ADAMTSL3: variants seen among roughly 807,000 people sequenced by gnomAD.
The protein encoded by ADAMTSL3 is ADAMTS like 3, also known as ADAMTS-like protein 3.
A neutral mutation model predicts 201.7 loss-of-function variants in ADAMTSL3; 128 were observed. That is an observed-to-expected ratio of 0.63 (90% CI 0.55 to 0.73). The LOEUF is 0.73. Ranked by LOEUF, ADAMTSL3 falls within the 30% of genes least tolerant of loss-of-function variation. The pLI is 0.00. For synonymous variants in ADAMTSL3, 738 were observed against 748.4 expected (o/e 0.99, Z 0.23); for missense variants, 1,990 against 2,119.6 (o/e 0.94, Z 1.20).
intron 20 of ADAMTSL3, among the ~76,000 whole-genome samples, chr15:83,973,895 C>T (rs1014038986): frequency 6.6e-6 from 1 of 152,142 alleles, no homozygotes; most frequent in African/African-American, 2.4e-5. Context: ...GTGGCCTAAT[C>T]GGTGCCTTGG....
intron 4 of ADAMTSL3, among the ~76,000 whole-genome samples, chr15:83,789,503 T>G (rs1158020537): frequency 6.6e-6 from 1 of 152,188 alleles, no homozygotes; most frequent in Non-Finnish European, 1.5e-5. Context: ...CTTGTTTGTT[T>G]ATTCAAGTTT....
At chr15:83,969,954 T>C (rs2067162195) in intron 19 of ADAMTSL3, among the ~76,000 whole-genome samples, 1 of 152,194 alleles carries the variant, frequency 6.6e-6, no homozygotes, top group Non-Finnish European at 1.5e-5. Flanking sequence ...TCGGAAAGTG[T>C]TGGATATGTC....
intron 19 of ADAMTSL3, among the ~76,000 whole-genome samples, chr15:83,946,396 T>C (rs1307849797): frequency 6.6e-6 from 1 of 152,088 alleles, no homozygotes; most frequent in African/African-American, 2.4e-5. Context: ...AGCTTTCCTC[T>C]TCTGTGAAGT....
chr15:83,736,623 T>TA (rs2141621407), intron 3 of ADAMTSL3, among the ~76,000 whole-genome samples: 1 of 152,226 alleles, frequency 6.6e-6, no homozygotes, highest in African/African-American at 2.4e-5. Context: ...AATCAGCAAT[T>TA]AAAAAGGAGG....
intron 2 of ADAMTSL3, among the ~76,000 whole-genome samples, chr15:83,704,017 A>AC (rs2061812373): frequency 6.6e-6 from 1 of 151,410 alleles, no homozygotes; most frequent in Non-Finnish European, 1.5e-5. Context: ...AAAAAAAAAA[A>AC]ACACAAAAGG....
At chr15:83,760,221 C>G (rs1288237141) in intron 3 of ADAMTSL3, among the ~76,000 whole-genome samples, 2 of 152,074 alleles carry the variant, frequency 1.3e-5, no homozygotes, top group Non-Finnish European at 2.9e-5. Context: ...CTGCTTTACT[C>G]ACGTTTTGGT....
chr15:83,674,762 TATAC>T (rs1567064157), intron 2 of ADAMTSL3, among the ~76,000 whole-genome samples: 56 of 123,340 alleles, frequency 4.5e-4, no homozygotes, highest in Non-Finnish European at 6.5e-4. Context: ...TACACACATA[TATAC>T]ATATATATAT....
At chr15:83,910,196 G>A (rs2401179) in intron 15 of ADAMTSL3, among the ~76,000 whole-genome samples, 95,351 of 151,916 alleles carry the variant, frequency 0.63, 31,016 homozygotes, top group African/African-American at 0.79. Flanking sequence ...ATCTCATCTC[G>A]AAACTCTCAC....
At chr15:84,018,235 T>C (rs1345770343) in intron 25 of ADAMTSL3, among the ~76,000 whole-genome samples, 1 of 152,176 alleles carries the variant, frequency 6.6e-6, no homozygotes, top group Admixed American at 6.5e-5. Flanking sequence ...CATGCCCAAA[T>C]ATACAATCAC....
At chr15:83,830,843 A>G (rs937067202) in intron 6 of ADAMTSL3, among the ~76,000 whole-genome samples, 4 of 152,176 alleles carry the variant, frequency 2.6e-5, no homozygotes, top group Non-Finnish European at 5.9e-5. Context: ...GCAGGAGGCC[A>G]GACTGGGAGC....
At chr15:83,766,325 T>C (rs1018548375) in intron 3 of ADAMTSL3, among the ~76,000 whole-genome samples, 1 of 152,216 alleles carries the variant, frequency 6.6e-6, no homozygotes, top group African/African-American at 2.4e-5. Flanking sequence ...AGCCTTGAAC[T>C]TAGCAAGCTC....
At chr15:83,785,285 T>A (rs1238355485) in intron 4 of ADAMTSL3, among the ~76,000 whole-genome samples, 2 of 152,228 alleles carry the variant, frequency 1.3e-5, no homozygotes, top group Non-Finnish European at 2.9e-5. Context: ...CTTTTTAATT[T>A]CAGGAAAAAG....
rs146761916 is a variant in ADAMTSL3, at chr15:83,868,719, G to A, written c.803-2083G>A. Reference sequence around the variant, plus strand: ...AAATTAAAAATATTTTACAATAAGCGTACCATTTAGTGGAGAAGCAGAGTG... The same window carrying A: ...AAATTAAAAATATTTTACAATAAGCATACCATTTAGTGGAGAAGCAGAGTG... On this transcript the variant is annotated intron_variant, in intron 8 of 29. Coordinates refer to ENST00000286744, the MANE Select transcript of ADAMTSL3 (RefSeq NM_207517.3). 3.8e-4 allele frequency among the ~76,000 whole-genome samples: 58 copies of A among 152,264 alleles called. No individual in the cohort carries two copies. In the East Asian group the frequency reaches 9.8e-3, roughly 26 times the overall value.
chr15:83,798,004 G>T (rs1035970847), intron 4 of ADAMTSL3, among the ~76,000 whole-genome samples: 29 of 152,140 alleles, frequency 1.9e-4, no homozygotes, highest in Non-Finnish European at 3.7e-4. Flanking sequence ...ATAAATTTTG[G>T]TATATTTATA....
chr15:83,963,522 T>C lies in ADAMTSL3; in HGVS notation c.2491-6962T>C, dbSNP rs561816126. ...GCAGCCACAGTCAGGGTCTTATAGATAAAACTCCCATCTCCCTGGGACAGA... is the reference window on the plus strand; with the variant it reads ...GCAGCCACAGTCAGGGTCTTATAGACAAAACTCCCATCTCCCTGGGACAGA... On this transcript the variant is annotated intron_variant, in intron 19 of 29. Coordinates refer to ENST00000286744, the MANE Select transcript of ADAMTSL3 (RefSeq NM_207517.3). 4.6e-5 allele frequency among the ~76,000 whole-genome samples: 7 copies of C among 152,200 alleles called. No individual in the cohort carries two copies. The East Asian group carries it at 9.7e-4, about 21-fold the overall frequency.
chr15:83,907,141 A>T (rs2065853599), intron 15 of ADAMTSL3, among the ~76,000 whole-genome samples: 1 of 150,820 alleles, frequency 6.6e-6, no homozygotes, highest in Non-Finnish European at 1.5e-5. Context: ...TTAAAAGGAA[A>T]GTTTAATCCA....
At chr15:83,951,003 CTTT>C (rs75663059) in intron 19 of ADAMTSL3, among the ~76,000 whole-genome samples, 3 of 133,478 alleles carry the variant, frequency 2.2e-5, no homozygotes, top group Admixed American at 7.5e-5. Flanking sequence ...CTTTTCTTTT[CTTT>C]TTTTTTTTTT....
chr15:83,827,775 A>G (rs1017359874), intron 6 of ADAMTSL3, among the ~76,000 whole-genome samples: 1 of 152,110 alleles, frequency 6.6e-6, no homozygotes. Flanking sequence ...TAAATAGAGA[A>G]TCCTTTCCCC....
At chr15:83,867,637 T>C (rs1344285414) in intron 8 of ADAMTSL3, among the ~76,000 whole-genome samples, 1 of 152,198 alleles carries the variant, frequency 6.6e-6, no homozygotes, top group Non-Finnish European at 1.5e-5. Flanking sequence ...ATGAATGAAA[T>C]TAGCATATGC....
Sources: allele counts gnomAD v4.1 joint callset (sites outside exome capture counted in the v4.1 genomes callset), GRCh38; gene constraint gnomAD v4.1.1; transcripts MANE v1.5; gene names NCBI Gene and HGNC (gene_info 2026-07-23, HGNC 2026-07-21).